The following PFKFB4 variants were observed in gnomAD, a reference collection of about 807,000 sequenced individuals.
PFKFB4 encodes 6-phosphofructo-2-kinase/fructose-2,6-bisphosphatase 4.
A neutral mutation model predicts 62.8 loss-of-function variants in PFKFB4; 42 were observed. That is an observed-to-expected ratio of 0.67 (90% CI 0.52 to 0.86). The LOEUF (loss-of-function observed/expected upper bound fraction) is 0.86. Among genes scored for constraint, PFKFB4 ranks in the 40% least tolerant of loss-of-function variants. PFKFB4 has a pLI of 0.00. For synonymous variants in PFKFB4, 204 were observed against 240.7 expected (o/e 0.85, Z 1.41); for missense variants, 475 against 627.2 (o/e 0.76, Z 2.59).
At chr3:48,544,507 G>A (rs557778128) in intron 3 of PFKFB4, among the ~76,000 whole-genome samples, 213 of 145,358 alleles carry the variant, frequency 1.5e-3, no homozygotes, top group Non-Finnish European at 2.5e-3. Context: ...GAGTGCAGCA[G>A]TGGGATCATG....
chr3:48,528,624 C>G (rs1473822680), intron 9 of PFKFB4, among the ~76,000 whole-genome samples: 1 of 152,180 alleles, frequency 6.6e-6, no homozygotes, highest in Admixed American at 6.5e-5. Flanking sequence ...GATCGTGCTA[C>G]TGCACTCAGC....
At chr3:48,520,606 C>T (rs764574723) in intron 13 of PFKFB4, among the ~76,000 whole-genome samples, 34 of 152,190 alleles carry the variant, frequency 2.2e-4, no homozygotes, top group Admixed American at 1.2e-3. Flanking sequence ...CTCATAGGAC[C>T]GGCCCCTGGA....
At chr3:48,533,581 G>A (rs1406484010) in intron 9 of PFKFB4, among the ~76,000 whole-genome samples, 2 of 152,194 alleles carry the variant, frequency 1.3e-5, no homozygotes, top group African/African-American at 2.4e-5. Flanking sequence ...TTGGCAGGGC[G>A]CTGTGGCTGA....
At chr3:48,547,500 A>C (rs1304721694) in intron 3 of PFKFB4, among the ~76,000 whole-genome samples, 1 of 152,058 alleles carries the variant, frequency 6.6e-6, no homozygotes, top group African/African-American at 2.4e-5. Flanking sequence ...TTTGAGACAG[A>C]GTCTTACTCT....
chr3:48,530,441 G>A (rs1040754858), intron 9 of PFKFB4, among the ~76,000 whole-genome samples: 3 of 152,032 alleles, frequency 2.0e-5, no homozygotes, highest in Non-Finnish European at 2.9e-5. Flanking sequence ...TCAATTATGT[G>A]CATCCAGCCT....
intron 7 of PFKFB4, chr3:48,536,963 C>T (rs1339384570): frequency 6.3e-6 from 1 of 157,564 alleles, no homozygotes; most frequent in Admixed American, 6.1e-5. Flanking sequence ...CACTAGAGCC[C>T]AGTCCTGGTC....
chr3:48,558,820 C>G (rs938348174), upstream of PFKFB4, among the ~76,000 whole-genome samples: 3 of 152,198 alleles, frequency 2.0e-5, no homozygotes, highest in Non-Finnish European at 2.9e-5. Flanking sequence ...GGGTGCCCCT[C>G]GTGACCTGCT....
At chr3:48,542,460 G>C (rs1331297235) in intron 4 of PFKFB4, among the ~76,000 whole-genome samples, 1 of 152,114 alleles carries the variant, frequency 6.6e-6, no homozygotes, top group African/African-American at 2.4e-5. Flanking sequence ...AGTAGGGATG[G>C]AGTGAGTTGC....
chr3:48,522,847 G>A (rs941324869), intron 12 of PFKFB4, among the ~76,000 whole-genome samples: 5 of 151,004 alleles, frequency 3.3e-5, no homozygotes, highest in African/African-American at 9.7e-5. Context: ...TGCAAGTTCC[G>A]CCTCCCGGGT....
intron 9 of PFKFB4, among the ~76,000 whole-genome samples, chr3:48,534,048 A>G (rs1243202409): frequency 1.3e-5 from 2 of 152,232 alleles, no homozygotes; most frequent in Non-Finnish European, 2.9e-5. Flanking sequence ...GAACAAAATG[A>G]AATTCCTGGA....
At chr3:48,533,249 T>C (rs2042484746) in intron 9 of PFKFB4, among the ~76,000 whole-genome samples, 1 of 152,128 alleles carries the variant, frequency 6.6e-6, no homozygotes, top group Non-Finnish European at 1.5e-5. Flanking sequence ...AGTTTCTGTT[T>C]TACAAGATTA....
intron 4 of PFKFB4, among the ~76,000 whole-genome samples, chr3:48,543,085 CCT>C (rs2042847497): frequency 2.0e-5 from 3 of 152,118 alleles, no homozygotes. Context: ...AAGAACAGCC[CCT>C]GTGTTTGACT....
chr3:48,554,487 C>T (rs1560182125), intron 1 of PFKFB4, among the ~76,000 whole-genome samples: 1 of 152,186 alleles, frequency 6.6e-6, no homozygotes, highest in African/African-American at 2.4e-5. Flanking sequence ...CCCAGCCTAC[C>T]CCAACACCCT....
intron 9 of PFKFB4, among the ~76,000 whole-genome samples, chr3:48,526,685 A>G (rs2042271855): frequency 6.6e-6 from 1 of 151,902 alleles, no homozygotes; most frequent in South Asian, 2.1e-4. Context: ...TCATGCCTGT[A>G]ATCCCAGCAC....
rs1019606602 is a variant in PFKFB4, at chr3:48,521,979, T to C, written c.1350+7A>G. 7 of 1,611,726 alleles carry C rather than the reference T, an allele frequency of 4.3e-6. No homozygotes were observed. The Admixed American group carries it at 6.7e-5, about 15-fold the overall frequency. Reference sequence around the variant, plus strand: ...CCCCGCTACCCCAGCAGTGACCCCATTGCTACCTGAGGCCTGTCCCGGTGC... The same window carrying C: ...CCCCGCTACCCCAGCAGTGACCCCACTGCTACCTGAGGCCTGTCCCGGTGC... On this transcript the variant is annotated splice_region_variant and intron_variant, in intron 13 of 13. Coordinates refer to ENST00000232375, the MANE Select transcript of PFKFB4 (RefSeq NM_004567.4). This position sits in a 1 kb window ranked among gnomAD's most constrained non-coding sequence, Gnocchi z 5.3.
At position 48,521,541 on chromosome 3, in the gene PFKFB4, G is replaced by A. The variant is rs896709589; in HGVS notation, c.1350+445C>T. On this transcript the variant is annotated intron_variant, in intron 13 of 13. Coordinates refer to ENST00000232375, the MANE Select transcript of PFKFB4 (RefSeq NM_004567.4). The surrounding 1 kb of genome is among the most constrained non-coding windows in gnomAD (Gnocchi z 5.3). Reference sequence around the variant, plus strand: ...TTTTAAAGGTGCTGGGGTTAGGAAAGGGGCTCATGAGGCCTCGGCTGCAGG... The same window carrying A: ...TTTTAAAGGTGCTGGGGTTAGGAAAAGGGCTCATGAGGCCTCGGCTGCAGG... Among the ~76,000 whole-genome samples, 1 of 152,214 alleles carries A rather than the reference G, an allele frequency of 6.6e-6. No homozygotes were observed. Among genetic ancestry groups the A allele is most frequent in the South Asian group, 2.1e-4 (1 of 4,832 alleles).
upstream of PFKFB4, chr3:48,562,983 G>T (rs1301654889): frequency 6.2e-7 from 1 of 1,608,208 alleles, no homozygotes. The surrounding 1 kb of genome is among the most constrained non-coding windows in gnomAD (Gnocchi z 4.3). Context: ...GCAGCTGAGG[G>T]GCTCTCTGAG....
chr3:48,561,313 C>T (rs545887471), upstream of PFKFB4: 317 of 278,610 alleles, frequency 1.1e-3, 3 homozygotes, highest in Middle Eastern at 0.029. The surrounding 1 kb of genome is among the most constrained non-coding windows in gnomAD (Gnocchi z 5.2). Context: ...CAGCCGGCCA[C>T]GCTGTGGCCA....
In PFKFB4 at chr3:48,519,584, A is replaced by G; in HGVS notation, c.*163T>C. ...CAACCTTGTCGCCGACTGTCAACAAAGAGCCAGGTGGGCTGGGGTGGGGGC... is the reference window on the plus strand; with the variant it reads ...CAACCTTGTCGCCGACTGTCAACAAGGAGCCAGGTGGGCTGGGGTGGGGGC... On this transcript the variant is annotated 3_prime_UTR_variant, in exon 14 of 14. Transcript: ENST00000232375. The G allele has an allele frequency of 1.6e-6, 1 of 615,426 alleles. No individual in the cohort carries two copies. The highest frequency in any genetic ancestry group is 2.9e-6 in the Non-Finnish European group (1 of 344,008). The allele number at this position is 615,426 out of a possible 1,614,324, so 38.1% of individuals were successfully genotyped here.
Sources: gnomAD v4.1 joint callset for allele counts (sites outside exome capture counted in the v4.1 genomes callset) on GRCh38, gnomAD v4.1.1 for gene constraint, Gnocchi (gnomAD v3.1) non-coding constraint, MANE v1.5 for transcripts, NCBI Gene and HGNC (gene_info 2026-07-23, HGNC 2026-07-21) for gene names.